MAP2K4: variants seen among roughly 807,000 people sequenced by gnomAD.
The protein encoded by MAP2K4 is mitogen-activated protein kinase kinase 4.
In MAP2K4, 4 loss-of-function variants were observed where a neutral mutation model predicts 48.5. The ratio of observed to expected loss-of-function variants is 0.08; its 90% CI spans 0.04 to 0.19. MAP2K4 has a LOEUF of 0.19. Ranked by LOEUF, MAP2K4 falls within the 10% of genes least tolerant of loss-of-function variation. MAP2K4 has a pLI of 1.00. For synonymous variants in MAP2K4, 166 were observed against 173.1 expected, an observed-to-expected ratio of 0.96 and a Z score of 0.32; for missense variants, 258 against 493.3, an observed-to-expected ratio of 0.52 and a Z score of 4.52.
At chr17:12,066,748 G>C (rs934772961) in intron 2 of MAP2K4, among the ~76,000 whole-genome samples, 16 of 151,924 alleles carry the variant, frequency 1.1e-4, no homozygotes, top group African/African-American at 3.6e-4. Flanking sequence ...GGAGTGCTGT[G>C]GCGTGATCTC....
intron 1 of MAP2K4, among the ~76,000 whole-genome samples, chr17:12,033,224 A>G (rs1224550231): frequency 6.6e-6 from 1 of 152,236 alleles, no homozygotes; most frequent in African/African-American, 2.4e-5. Context: ...TCCAGTTAAC[A>G]TAAAAATATA....
intron 7 of MAP2K4, chr17:12,125,083 G>A (rs1430745883): frequency 1.9e-6 from 1 of 538,842 alleles, no homozygotes; most frequent in Non-Finnish European, 3.3e-6. Flanking sequence ...TAAATGAATT[G>A]CTTAGTGTTC....
chr17:12,043,153 A>G (rs544401558), intron 1 of MAP2K4, among the ~76,000 whole-genome samples: 1 of 152,284 alleles, frequency 6.6e-6, no homozygotes, highest in African/African-American at 2.4e-5. Flanking sequence ...TAAATCAACT[A>G]TTGATATATG....
chr17:12,043,191 A>ATCT (rs1969849614), intron 1 of MAP2K4, among the ~76,000 whole-genome samples: 1 of 152,190 alleles, frequency 6.6e-6, no homozygotes, highest in Non-Finnish European at 1.5e-5. Context: ...CATAAACCAT[A>ATCT]TCTTCCTACT....
At chr17:12,114,853 C>T (rs548465848) in intron 7 of MAP2K4, among the ~76,000 whole-genome samples, 45 of 152,294 alleles carry the variant, frequency 3.0e-4, no homozygotes, top group African/African-American at 1.0e-3. Flanking sequence ...CAGAGATATG[C>T]TTTGCAGGCC....
intron 1 of MAP2K4, among the ~76,000 whole-genome samples, chr17:12,052,332 T>C (rs1970168267): frequency 6.6e-6 from 1 of 152,236 alleles, no homozygotes; most frequent in Non-Finnish European, 1.5e-5. Flanking sequence ...TTAAATCACA[T>C]TCTCTTCATC....
intron 1 of MAP2K4, among the ~76,000 whole-genome samples, chr17:12,037,166 C>G (rs1432411497): frequency 6.6e-6 from 1 of 152,020 alleles, no homozygotes; most frequent in East Asian, 1.9e-4. Flanking sequence ...TTTTTGGTGG[C>G]ACTGCACATC....
At chr17:12,055,470 CTCT>C (rs1205511321) in intron 2 of MAP2K4, among the ~76,000 whole-genome samples, 5 of 151,908 alleles carry the variant, frequency 3.3e-5, no homozygotes, top group Admixed American at 6.6e-5. Flanking sequence ...ATTAAAAAAC[CTCT>C]TCTTATTTCC....
chr17:12,098,309 C>G (rs543753889), intron 4 of MAP2K4, among the ~76,000 whole-genome samples: 1 of 152,050 alleles, frequency 6.6e-6, no homozygotes, highest in Admixed American at 6.5e-5. Context: ...GACACTGCAT[C>G]TTTATTAAAA....
At chr17:12,052,194 G>A (rs193024702) in intron 1 of MAP2K4, among the ~76,000 whole-genome samples, 12 of 152,240 alleles carry the variant, frequency 7.9e-5, no homozygotes, top group African/African-American at 2.4e-4. Flanking sequence ...GCTTGGAAAG[G>A]CTTCGAAACC....
intron 7 of MAP2K4, chr17:12,124,496 G>A (rs1972789030): frequency 6.6e-6 from 1 of 152,072 alleles, no homozygotes; most frequent in South Asian, 2.1e-4. Context: ...GCGTTATTGT[G>A]AAGTATGGGT....
At chr17:12,079,082 A>T (rs1971105816) in intron 2 of MAP2K4, among the ~76,000 whole-genome samples, 1 of 152,198 alleles carries the variant, frequency 6.6e-6, no homozygotes, top group African/African-American at 2.4e-5. Context: ...CTTTGCTGAG[A>T]TGTAATTCAC....
At chr17:12,090,641 A>G (rs1162819129) in intron 3 of MAP2K4, among the ~76,000 whole-genome samples, 1 of 152,046 alleles carries the variant, frequency 6.6e-6, no homozygotes, top group Non-Finnish European at 1.5e-5. Flanking sequence ...GCGCTTTCCC[A>G]CTATCCCTTC....
At chr17:12,065,352 G>A (rs1970582733) in intron 2 of MAP2K4, among the ~76,000 whole-genome samples, 1 of 146,878 alleles carries the variant, frequency 6.8e-6, no homozygotes, top group Non-Finnish European at 1.5e-5. Flanking sequence ...AGGCTGGAGT[G>A]CAATGGTGCG....
intron 6 of MAP2K4, 66 bp from the exon 7 acceptor site, chr17:12,113,167 A>G: frequency 6.6e-7 from 1 of 1,510,098 alleles, no homozygotes; most frequent in Non-Finnish European, 9.0e-7. Context: ...ATTTTTGCTT[A>G]AAGTGAAGCC....
intron 1 of MAP2K4, among the ~76,000 whole-genome samples, chr17:12,026,562 A>G (rs1969259568): frequency 6.6e-6 from 1 of 152,162 alleles, no homozygotes; most frequent in South Asian, 2.1e-4. Flanking sequence ...CCCTTCATAG[A>G]TGAGGGGGTA....
chr17:12,073,640 A>G (rs1970892956), intron 2 of MAP2K4, among the ~76,000 whole-genome samples: 1 of 152,208 alleles, frequency 6.6e-6, no homozygotes. Context: ...TATAATTGGC[A>G]TAGAATAAAC....
chr17:12,023,928 A>T (rs1442888675), intron 1 of MAP2K4, among the ~76,000 whole-genome samples: 1 of 152,202 alleles, frequency 6.6e-6, no homozygotes, highest in East Asian at 1.9e-4. Flanking sequence ...TGCAATACAC[A>T]TTAGCCATCA....
intron 1 of MAP2K4, among the ~76,000 whole-genome samples, chr17:12,024,424 C>T (rs1969192328): frequency 6.6e-6 from 1 of 152,082 alleles, no homozygotes; most frequent in South Asian, 2.1e-4. Flanking sequence ...TGTTATTACT[C>T]AAAAGATTTG....
Sources: gnomAD v4.1 joint callset for allele counts (sites outside exome capture counted in the v4.1 genomes callset) on GRCh38, gnomAD v4.1.1 for gene constraint, MANE v1.5 for transcripts, NCBI Gene and HGNC (gene_info 2026-07-23, HGNC 2026-07-21) for gene names.